MTMR12: variants seen among roughly 807,000 people sequenced by gnomAD.
The protein encoded by MTMR12 is myotubularin-related protein 12.
MTMR12 carries 33 observed loss-of-function variants against 96.7 expected under a neutral mutation model. The ratio of observed to expected loss-of-function variants is 0.34; its 90% CI spans 0.26 to 0.46. The LOEUF is 0.46. Ranked by LOEUF, MTMR12 falls within the 20% of genes least tolerant of loss-of-function variation. The probability of loss-of-function intolerance (pLI) is 1.00; values close to 1 mark genes in which losing one functional copy is unlikely to be tolerated. For synonymous variants in MTMR12, 298 were observed against 327.2 expected, an observed-to-expected ratio of 0.91 and a Z score of 0.96; for missense variants, 721 against 896.1, an observed-to-expected ratio of 0.80 and a Z score of 2.49.
At chr5:32,263,031 A>G in intron 7 of MTMR12, 82 bp downstream of exon 7, 1 of 1,537,946 alleles carries the variant, frequency 6.5e-7, no homozygotes, top group East Asian at 2.3e-5. Flanking sequence ...TGATGACTGC[A>G]CAACCCTGTG....
rs1295703094 is a variant in MTMR12, at chr5:32,233,465, CACACACAA to C, written c.1674+300_1674+307del. ...TCCTTTTACTCTACTAACACACACACACACACAAACACACACACACACACACACACACA... is the reference window on the plus strand; with the variant it reads ...TCCTTTTACTCTACTAACACACACACACACACACACACACACACACACACA... On this transcript the variant is annotated intron_variant, in intron 15 of 15. Transcript: ENST00000382142. This position sits in a 1 kb window ranked among gnomAD's most constrained non-coding sequence, Gnocchi z 5.0. Among the ~76,000 whole-genome samples the C allele has an allele frequency of 0.015, 2,286 of 147,540 alleles. 45 individuals are homozygous for C. Among genetic ancestry groups the C allele is most frequent in the African/African-American group, 0.045 (1,787 of 39,680 alleles).
intron 1 of MTMR12, among the ~76,000 whole-genome samples, chr5:32,299,902 A>G (rs1335743532): frequency 6.6e-6 from 1 of 151,940 alleles, no homozygotes. Context: ...CCTCCTCCCC[A>G]CACCAAATCC....
At position 32,239,299 on chromosome 5, in the gene MTMR12, A is replaced by G. The variant is rs1385285065; in HGVS notation, c.1172-126T>C. On this transcript the variant is annotated intron_variant, in intron 12 of 15. Coordinates refer to ENST00000382142, the MANE Select transcript of MTMR12 (RefSeq NM_001040446.3). ...ACACCAAGGTCTACTATTAACAGTC[A>G]TGTTCTTATTCCCTAAAGGCAAGGG... The G allele has an allele frequency of 4.0e-6, 4 of 995,176 alleles. No homozygotes were observed. The East Asian group carries it at 1.1e-4, about 28-fold the overall frequency. 61.6% of individuals were successfully genotyped at this position (995,176 alleles called of 1,614,324 possible).
chr5:32,290,975 C>A (rs4307102), intron 1 of MTMR12, among the ~76,000 whole-genome samples: 64,326 of 152,016 alleles, frequency 0.42, 13,919 homozygotes, highest in East Asian at 0.58. Flanking sequence ...TCTAGCCATA[C>A]AGTGGGTCGT....
intron 7 of MTMR12, among the ~76,000 whole-genome samples, chr5:32,256,495 T>TAA (rs1387351281): frequency 6.6e-6 from 1 of 152,204 alleles, no homozygotes; most frequent in African/African-American, 2.4e-5. Context: ...ATTTAGTCTC[T>TAA]AAAAAGAACA....
In MTMR12 at chr5:32,233,796, G is replaced by A; in HGVS notation, c.1651C>T (p.Gln551Ter). 2 of 1,614,164 alleles carry A rather than the reference G, an allele frequency of 1.2e-6. No homozygotes were observed. Among genetic ancestry groups the A allele is most frequent in the Non-Finnish European group, 1.7e-6 (2 of 1,180,032 alleles). ...YVEKPKLDKG[Q>*]RKGMRFKHQR... ...ACTTTGAAGCGCATTCCTTTCCGTT[G>A]GCCTTTGTCCAGTTTTGGCTTTTCC... The change falls in exon 15 of 16, where the codon CAA becomes TAA. Residue 551 changes from glutamine (Q) to a stop codon, truncating the protein, a stop_gained. Coordinates refer to ENST00000382142, the MANE Select transcript of MTMR12 (RefSeq NM_001040446.3). LOFTEE classifies it high-confidence loss of function. The surrounding 1 kb of genome is among the most constrained non-coding windows in gnomAD (Gnocchi z 5.0).
chr5:32,308,855 G>C (rs536456696), intron 1 of MTMR12, among the ~76,000 whole-genome samples: 1 of 151,958 alleles, frequency 6.6e-6, no homozygotes, highest in South Asian at 2.1e-4. Flanking sequence ...CACCCACCTC[G>C]GCCTCCCAAA....
intron 8 of MTMR12, among the ~76,000 whole-genome samples, chr5:32,254,465 G>T (rs1749064940): frequency 6.6e-6 from 1 of 152,112 alleles, no homozygotes. Flanking sequence ...TAAAAATTAT[G>T]AATTTTATTC....
In MTMR12 at chr5:32,282,353, G is replaced by A. The variant is rs376929669; in HGVS notation, c.82-5611C>T. On this transcript the variant is annotated intron_variant, in intron 1 of 15. Transcript: ENST00000382142. ...GGAGAATGGCGTGAGCCCGGGAGGC[G>A]GGGCTTACAGTGAGCCGAGATTGTG... Among the ~76,000 whole-genome samples the A allele has an allele frequency of 1.1e-4, 16 of 151,848 alleles. No individual in the cohort carries two copies. In the East Asian group the frequency reaches 1.7e-3, roughly 17 times the overall value.
At chr5:32,246,362 A>G (rs546261504) in intron 10 of MTMR12, among the ~76,000 whole-genome samples, 2 of 152,074 alleles carry the variant, frequency 1.3e-5, no homozygotes, top group Non-Finnish European at 2.9e-5. Flanking sequence ...GGGTTTCGCC[A>G]TGTTAGCCGG....
intron 15 of MTMR12, among the ~76,000 whole-genome samples, chr5:32,231,739 G>C (rs1388640605): frequency 1.3e-5 from 2 of 152,190 alleles, no homozygotes; most frequent in Non-Finnish European, 2.9e-5. Context: ...TCCAGGGTCA[G>C]GAAAGATGAA....
chr5:32,255,602 A>T, intron 8 of MTMR12, 91 bp downstream of exon 8: 1 of 1,219,322 alleles, frequency 8.2e-7, no homozygotes, highest in Non-Finnish European at 1.1e-6. Context: ...AACAAACTCT[A>T]GAACAAAAGC....
intron 11 of MTMR12, 107 bp from the exon 12 acceptor site, chr5:32,242,234 A>ATTT: frequency 7.5e-6 from 4 of 535,014 alleles, no homozygotes; most frequent in East Asian, 3.7e-5. Context: ...CTTCTCTCTT[A>ATTT]TTTTTTTTTT....
intron 1 of MTMR12, among the ~76,000 whole-genome samples, chr5:32,310,729 A>G (rs1751548353): frequency 6.6e-6 from 1 of 152,226 alleles, no homozygotes; most frequent in Admixed American, 6.5e-5. Context: ...TGATAGCACA[A>G]CAGGGTGACT....
chr5:32,248,018 T>G lies in MTMR12; in HGVS notation c.1005A>C (p.Lys335Asn). Residue 335 changes from lysine to asparagine, a missense_variant, in exon 10 of 16, where the codon AAA becomes AAC. Transcript: ENST00000382142. Reference sequence around the variant, plus strand: ...TCTTCTCACCTATCAGAAATAGCTGTTTAAATTTAGAGTATGCAGTCTGGA... The same window carrying G: ...TCTTCTCACCTATCAGAAATAGCTGGTTAAATTTAGAGTATGCAGTCTGGA... ...QEIQTAYSKF[K>N]QLFLIDNSTE... 1 of 1,613,922 alleles carries G rather than the reference T, an allele frequency of 6.2e-7. No individual in the cohort carries two copies. Among genetic ancestry groups the G allele is most frequent in the Non-Finnish European group, 8.5e-7 (1 of 1,179,860 alleles).
intron 7 of MTMR12, among the ~76,000 whole-genome samples, chr5:32,256,542 T>C (rs1384756190): frequency 6.6e-6 from 1 of 152,190 alleles, no homozygotes; most frequent in Non-Finnish European, 1.5e-5. Flanking sequence ...GAATGAAAGA[T>C]CAAAATTACT....
chr5:32,236,541 T>C (rs1748237766), intron 13 of MTMR12, among the ~76,000 whole-genome samples: 3 of 150,268 alleles, frequency 2.0e-5, no homozygotes, highest in Admixed American at 2.0e-4. Flanking sequence ...AGAGAGACCA[T>C]GTCTCAAAAA....
At chr5:32,260,316 C>T (rs1749314544) in intron 7 of MTMR12, among the ~76,000 whole-genome samples, 1 of 151,532 alleles carries the variant, frequency 6.6e-6, no homozygotes, top group South Asian at 2.1e-4. Context: ...TGTGGAGTAG[C>T]CTGCTTGGCA....
rs754893962 is a variant in MTMR12, at chr5:32,248,036, A to T, written c.987T>A (p.Thr329=). 6.2e-7 allele frequency: 1 copy of T among 1,614,084 alleles called. No homozygotes were observed. Among genetic ancestry groups the T allele is most frequent in the Non-Finnish European group, 8.5e-7 (1 of 1,179,936 alleles). ...ATAGCTGTTTAAATTTAGAGTATGC[A>T]GTCTGGATTTCCTGCAGGGACAGGA... ...SNFLSLQEIQ[T]AYSKFKQLFL... Residue 329 remains threonine, a synonymous_variant, in exon 10 of 16, where the codon ACT becomes ACA. Coordinates refer to ENST00000382142, the MANE Select transcript of MTMR12 (RefSeq NM_001040446.3).
Sources: gnomAD v4.1 joint callset for allele counts (sites outside exome capture counted in the v4.1 genomes callset) on GRCh38, gnomAD v4.1.1 for gene constraint, Gnocchi (gnomAD v3.1) non-coding constraint, MANE v1.5 for transcripts, NCBI Gene and HGNC (gene_info 2026-07-23, HGNC 2026-07-21) for gene names.